Variants in AGMO observed in about 807,000 individuals in gnomAD.
The protein encoded by AGMO is alkylglycerol monooxygenase, also known as glyceryl-ether monooxygenase.
In AGMO, 75 loss-of-function variants were observed where a neutral mutation model predicts 60.2. The ratio of observed to expected loss-of-function variants is 1.25; its 90% CI spans 1.03 to 1.51. The LOEUF (loss-of-function observed/expected upper bound fraction) is 1.51. Among genes scored for constraint, AGMO ranks in the 40% most tolerant of loss-of-function variants. The probability of loss-of-function intolerance (pLI) is 0.00; values close to 1 mark genes in which losing one functional copy is unlikely to be tolerated. For synonymous variants in AGMO, 261 were observed against 177.1 expected, an observed-to-expected ratio of 1.47 and a Z score of -3.76; for missense variants, 763 against 525.5, an observed-to-expected ratio of 1.45 and a Z score of -4.42.
the AGMO span, among the ~76,000 whole-genome samples, chr7:15,167,707 A>G: frequency 1.3e-5 from 2 of 152,208 alleles, no homozygotes; most frequent in Non-Finnish European, 2.9e-5. Flanking sequence ...GGTCAACTCA[A>G]GCAAGACATT....
chr7:15,467,368 T>G (rs917807723), intron 3 of AGMO, among the ~76,000 whole-genome samples: 1 of 152,228 alleles, frequency 6.6e-6, no homozygotes, highest in African/African-American at 2.4e-5. Flanking sequence ...TTAACTCATG[T>G]GAAAGGAAGG....
chr7:15,174,523 C>T, the AGMO span, among the ~76,000 whole-genome samples: 4 of 152,068 alleles, frequency 2.6e-5, no homozygotes, highest in African/African-American at 9.7e-5. Context: ...AGCTCTCCAA[C>T]CCAGCTCAGT....
chr7:15,471,756 G>A (rs555585482), intron 3 of AGMO, among the ~76,000 whole-genome samples: 4 of 151,984 alleles, frequency 2.6e-5, no homozygotes, highest in African/African-American at 9.6e-5. Context: ...ACCTGTGAGT[G>A]GGGATCTTGA....
chr7:15,440,643 T>C (rs1200007712), intron 3 of AGMO, among the ~76,000 whole-genome samples: 2 of 152,178 alleles, frequency 1.3e-5, no homozygotes, highest in East Asian at 1.9e-4. Flanking sequence ...AGAAAGAAAC[T>C]GTGTTAGTTA....
At position 15,250,556 on chromosome 7, in the gene AGMO, AACACAC is replaced by A. The variant is rs35821350; in HGVS notation, c.1264-49203_1264-49198del. ...AATTGAAGTACACACACACACACTA[AACACAC>A]ACACACACACACACACACACACTCT... is the stretch of plus-strand genomic sequence containing the variant. On this transcript the variant is annotated intron_variant, in intron 12 of 12. Coordinates refer to ENST00000342526, the MANE Select transcript of AGMO (RefSeq NM_001004320.2). 8.4e-3 allele frequency among the ~76,000 whole-genome samples: 1,249 copies of A among 149,436 alleles called. 7 individuals carry two copies. Among genetic ancestry groups the A allele is most frequent in the African/African-American group, 0.019 (775 of 40,912 alleles).
intron 12 of AGMO, among the ~76,000 whole-genome samples, chr7:15,218,251 G>T (rs890147749): frequency 6.6e-6 from 1 of 151,560 alleles, no homozygotes; most frequent in Non-Finnish European, 1.5e-5. Context: ...CTATATTAAG[G>T]ATATATAGTG....
In AGMO at chr7:15,468,511, C is replaced by T. The variant is rs7789097; in HGVS notation, c.410-37403G>A. ...ATGTTTTAAACATGTAATAATTATACATATGCATTTAAATGTATGATTCAT... is the reference window on the plus strand; with the variant it reads ...ATGTTTTAAACATGTAATAATTATATATATGCATTTAAATGTATGATTCAT... On this transcript the variant is annotated intron_variant, in intron 3 of 12. Transcript: ENST00000342526. Among the ~76,000 whole-genome samples the T allele has an allele frequency of 3.2e-4, 48 of 151,896 alleles. 1 individual carries two copies. In the South Asian group the frequency reaches 9.7e-3, roughly 31 times the overall value.
intron 4 of AGMO, among the ~76,000 whole-genome samples, chr7:15,427,452 T>C (rs1781097893): frequency 6.6e-6 from 1 of 152,178 alleles, no homozygotes; most frequent in Admixed American, 6.5e-5. Flanking sequence ...TTCCACACTT[T>C]ATTTAGAATT....
At chr7:15,155,112 T>A in the AGMO span, among the ~76,000 whole-genome samples, 1 of 152,110 alleles carries the variant, frequency 6.6e-6, no homozygotes, top group Non-Finnish European at 1.5e-5. Context: ...TTGAAAAGGT[T>A]CCCTGAATTT....
At chr7:15,484,170 G>T (rs899369972) in intron 3 of AGMO, among the ~76,000 whole-genome samples, 1 of 152,010 alleles carries the variant, frequency 6.6e-6, no homozygotes, top group Non-Finnish European at 1.5e-5. Context: ...AAAAGCCCTT[G>T]AAGATGGCTT....
chr7:15,557,174 C>G (rs1452781693), intron 2 of AGMO, among the ~76,000 whole-genome samples: 1 of 152,000 alleles, frequency 6.6e-6, no homozygotes, highest in African/African-American at 2.4e-5. Context: ...AAAGTCTGCA[C>G]ACAACATTTC....
At chr7:15,386,153 C>A (rs1036847832) in intron 9 of AGMO, among the ~76,000 whole-genome samples, 2 of 150,828 alleles carry the variant, frequency 1.3e-5, no homozygotes, top group African/African-American at 4.9e-5. Context: ...TGTTCTCCAA[C>A]CTGGGCAACA....
At chr7:15,233,570 T>C (rs62448955) in intron 12 of AGMO, among the ~76,000 whole-genome samples, 2 of 151,708 alleles carry the variant, frequency 1.3e-5, no homozygotes, top group African/African-American at 4.8e-5. Flanking sequence ...TTCCCCCCTT[T>C]GGATGATGGA....
At chr7:15,468,521 T>G (rs1206317716) in intron 3 of AGMO, among the ~76,000 whole-genome samples, 1 of 152,080 alleles carries the variant, frequency 6.6e-6, no homozygotes, top group Admixed American at 6.6e-5. Context: ...CATATGCATT[T>G]AAATGTATGA....
chr7:15,402,289 C>T (rs1784569680), intron 5 of AGMO, among the ~76,000 whole-genome samples: 1 of 151,836 alleles, frequency 6.6e-6, no homozygotes, highest in African/African-American at 2.4e-5. Context: ...TCCTCCTCCT[C>T]TTTTATTTTT....
At chr7:15,530,305 CCA>C (rs1784266018) in intron 3 of AGMO, among the ~76,000 whole-genome samples, 2 of 37,336 alleles carry the variant, frequency 5.4e-5, no homozygotes, top group East Asian at 3.7e-3. Flanking sequence ...ATACGTATTT[CCA>C]TATATATTCT....
Position 15,365,555 on chromosome 7 carries a change from G to T in AGMO, c.1222C>A (p.His408Asn), listed in dbSNP as rs2128561339. 2 of 1,612,852 alleles carry T rather than the reference G, an allele frequency of 1.2e-6. No individual in the cohort carries two copies. The highest frequency in any genetic ancestry group is 1.1e-5 in the South Asian group (1 of 90,994). ...LMFLMLYRFGHLKPLVPSLSS... is the reference protein window; with the variant it reads ...LMFLMLYRFGNLKPLVPSLSS... ...AATGAAGGGACAAGAGGCTTCAGGTGACCAAATCGGTACAGCATTAAGAAC... is the reference window on the plus strand; with the variant it reads ...AATGAAGGGACAAGAGGCTTCAGGTTACCAAATCGGTACAGCATTAAGAAC... The change falls in exon 12 of 13, where the codon CAC becomes AAC. Residue 408 changes from histidine (H) to asparagine (N), a missense_variant. By Grantham distance (68) the His-to-Asn change is moderately conservative. Coordinates refer to ENST00000342526, the MANE Select transcript of AGMO (RefSeq NM_001004320.2).
intron 12 of AGMO, among the ~76,000 whole-genome samples, chr7:15,254,532 A>G (rs1783042065): frequency 6.6e-6 from 1 of 152,172 alleles, no homozygotes; most frequent in South Asian, 2.1e-4. Flanking sequence ...ATTTCTTTAT[A>G]GAAATGTTTG....
chr7:15,487,693 C>A (rs1030229972), intron 3 of AGMO, among the ~76,000 whole-genome samples: 1 of 152,030 alleles, frequency 6.6e-6, no homozygotes, highest in Admixed American at 6.6e-5. Flanking sequence ...TTAATCCCAT[C>A]TTTTGCTTTA....
Sources: allele counts gnomAD v4.1 joint callset (sites outside exome capture counted in the v4.1 genomes callset), GRCh38; gene constraint gnomAD v4.1.1; transcripts MANE v1.5; gene names NCBI Gene and HGNC (gene_info 2026-07-23, HGNC 2026-07-21).